KALRN: variants seen among roughly 807,000 people sequenced by gnomAD.
KALRN encodes kalirin RhoGEF kinase.
KALRN carries 70 observed loss-of-function variants against 353.7 expected under a neutral mutation model. The observed-to-expected ratio is 0.20, with a 90% confidence interval of 0.16 to 0.24. The LOEUF (loss-of-function observed/expected upper bound fraction) is 0.24, where lower values mean the gene tolerates loss of function less well. KALRN is among the 10% of genes least tolerant of loss of function. KALRN has a pLI of 1.00. For synonymous variants in KALRN, 1,391 were observed against 1,434.8 expected (o/e 0.97, Z 0.69); for missense variants, 2,791 against 3,756.7 (o/e 0.74, Z 6.72).
chr3:124,448,522 C>A lies in KALRN; in HGVS notation c.3552+1637C>A, dbSNP rs2093913771. Among the ~76,000 whole-genome samples the A allele has an allele frequency of 2.0e-5, 3 of 152,152 alleles. No homozygotes were observed. In the South Asian group the frequency reaches 6.2e-4, roughly 32 times the overall value. ...GTATTCTCTGAGCCTCTGAGAGATA[C>A]ATCATATTCTTTTTTGTCTATGTGC... On this transcript the variant is annotated intron_variant, in intron 21 of 59. Coordinates refer to ENST00000682506, the MANE Select transcript of KALRN (RefSeq NM_001388419.1).
intron 1 of KALRN, among the ~76,000 whole-genome samples, chr3:124,138,065 C>G (rs2149757527): frequency 6.6e-6 from 1 of 152,306 alleles, no homozygotes; most frequent in East Asian, 1.9e-4. Flanking sequence ...GCTGGTATCT[C>G]AAGGTTCACA....
chr3:124,284,399 T>G (rs2075637973), intron 5 of KALRN, among the ~76,000 whole-genome samples: 1 of 152,194 alleles, frequency 6.6e-6, no homozygotes, highest in South Asian at 2.1e-4. Flanking sequence ...TTCCTCTGAT[T>G]AAAATGCCCT....
At chr3:124,124,089 A>G (rs1194614326) in intron 1 of KALRN, among the ~76,000 whole-genome samples, 2 of 152,196 alleles carry the variant, frequency 1.3e-5, no homozygotes, top group Non-Finnish European at 2.9e-5. Flanking sequence ...GCTGCCATAG[A>G]TAGTGATTCC....
intron 34 of KALRN, among the ~76,000 whole-genome samples, chr3:124,596,496 A>G (rs1477857515): frequency 6.6e-6 from 1 of 152,192 alleles, no homozygotes; most frequent in Non-Finnish European, 1.5e-5. Flanking sequence ...AAACCCCACA[A>G]TAGCTCCAAA....
At chr3:124,446,076 C>T in intron 19 of KALRN, 85 bp from the exon 20 acceptor site, 4 of 776,572 alleles carry the variant, frequency 5.2e-6, no homozygotes, top group Middle Eastern at 2.4e-4. Context: ...TCATGGTCAC[C>T]TGGCACCTGG....
chr3:124,287,507 A>C (rs756069047), intron 5 of KALRN, among the ~76,000 whole-genome samples: 37 of 151,464 alleles, frequency 2.4e-4, no homozygotes, highest in Admixed American at 1.3e-4. Flanking sequence ...CACAGTTAGG[A>C]AAATATCCTC....
intron 25 of KALRN, among the ~76,000 whole-genome samples, chr3:124,463,785 C>G (rs1450064636): frequency 2.0e-5 from 3 of 152,126 alleles, no homozygotes. Flanking sequence ...TCACTCCTCT[C>G]TCTTCACCTC....
intron 34 of KALRN, among the ~76,000 whole-genome samples, chr3:124,566,444 G>A (rs969050627): frequency 6.6e-6 from 1 of 151,814 alleles, no homozygotes; most frequent in African/African-American, 2.4e-5. Context: ...GGCTGAGGCT[G>A]CAGTGAGCCA....
At chr3:124,695,936 C>T (rs1428836928) in intron 53 of KALRN, among the ~76,000 whole-genome samples, 198 bp from the exon 54 acceptor site, 1 of 152,078 alleles carries the variant, frequency 6.6e-6, no homozygotes, top group African/African-American at 2.4e-5. Flanking sequence ...GAGAGATGGG[C>T]ATGGCCAGAA....
At chr3:124,275,715 C>G (rs1477515777) in intron 5 of KALRN, among the ~76,000 whole-genome samples, 3 of 152,322 alleles carry the variant, frequency 2.0e-5, no homozygotes, top group East Asian at 1.9e-4. Flanking sequence ...CACTGATGCT[C>G]TCTTCCAAAT....
At chr3:124,572,348 C>CAA (rs1183598958) in intron 34 of KALRN, among the ~76,000 whole-genome samples, 1 of 140,194 alleles carries the variant, frequency 7.1e-6, no homozygotes, top group Admixed American at 7.1e-5. Flanking sequence ...AAACAAAAAA[C>CAA]AAAAAAAAAA....
At chr3:124,297,586 C>G (rs2076944482) in intron 5 of KALRN, among the ~76,000 whole-genome samples, 1 of 152,216 alleles carries the variant, frequency 6.6e-6, no homozygotes, top group Non-Finnish European at 1.5e-5. Context: ...GTCCGCATCC[C>G]CTTGGGGAAG....
chr3:124,094,433 T>G (rs1404481889), intron 1 of KALRN, among the ~76,000 whole-genome samples: 1 of 152,214 alleles, frequency 6.6e-6, no homozygotes, highest in Non-Finnish European at 1.5e-5. Context: ...GCCACTGGCC[T>G]CTGGTGTGGG....
At chr3:124,510,886 G>C (rs532884526) in intron 33 of KALRN, among the ~76,000 whole-genome samples, 1 of 152,288 alleles carries the variant, frequency 6.6e-6, no homozygotes, top group South Asian at 2.1e-4. Flanking sequence ...CGAAACACAA[G>C]AGTATGTCTC....
At chr3:124,337,348 C>G (rs564271536) in intron 9 of KALRN, among the ~76,000 whole-genome samples, 1 of 150,882 alleles carries the variant, frequency 6.6e-6, no homozygotes, top group Admixed American at 6.6e-5. Context: ...AGAGTTTTAG[C>G]ATGAAGGGGT....
chr3:124,474,522 G>A, intron 25 of KALRN, 141 bp from the exon 26 acceptor site: 1 of 650,054 alleles, frequency 1.5e-6, no homozygotes, highest in Non-Finnish European at 2.8e-6. Flanking sequence ...ATTAAAAACT[G>A]CACCTCACCA....
At chr3:124,640,644 G>A (rs1029464381) in intron 37 of KALRN, among the ~76,000 whole-genome samples, 1 of 152,124 alleles carries the variant, frequency 6.6e-6, no homozygotes, top group Admixed American at 6.5e-5. Flanking sequence ...ACAAACTGGA[G>A]GGGCCCAGAG....
chr3:124,566,649 G>A (rs1295602730), intron 34 of KALRN, among the ~76,000 whole-genome samples: 1 of 152,242 alleles, frequency 6.6e-6, no homozygotes, highest in East Asian at 1.9e-4. Flanking sequence ...TCTGCCCAGA[G>A]TGTTGGCCTT....
At chr3:124,528,410 T>C (rs989918752) in intron 33 of KALRN, among the ~76,000 whole-genome samples, 14 of 152,190 alleles carry the variant, frequency 9.2e-5, no homozygotes, top group African/African-American at 3.1e-4. Context: ...GGAATATGGC[T>C]CAGTCACAGT....
Sources: gnomAD v4.1 joint callset for allele counts (sites outside exome capture counted in the v4.1 genomes callset) on GRCh38, gnomAD v4.1.1 for gene constraint, MANE v1.5 for transcripts, NCBI Gene and HGNC (gene_info 2026-07-23, HGNC 2026-07-21) for gene names.